KCNA2: variants seen among roughly 807,000 people sequenced by gnomAD.
The protein encoded by KCNA2 is potassium channel, voltage gated shaker related subfamily A, member 2.
Under a neutral mutation model 33.4 loss-of-function variants are expected in KCNA2, and 11 were observed. That is an observed-to-expected ratio of 0.33 (90% CI 0.21 to 0.55). The LOEUF is 0.55. Among genes scored for constraint, KCNA2 ranks in the 20% least tolerant of loss-of-function variants. The pLI is 0.93. For missense variants in KCNA2, 291 were observed against 621.6 expected, an observed-to-expected ratio of 0.47 and a Z score of 5.66; for synonymous variants, 222 against 231.3, an observed-to-expected ratio of 0.96 and a Z score of 0.37.
At position 110,596,812 on chromosome 1, in the gene KCNA2, T is replaced by C. The variant is rs1037087525; in HGVS notation, c.*6471A>G. Reference sequence around the variant, plus strand: ...CCCTGAGGTTTCCCCATCAGTTAACTGAGGTTTTGCTGTACATATGTGTAT... The same window carrying C: ...CCCTGAGGTTTCCCCATCAGTTAACCGAGGTTTTGCTGTACATATGTGTAT... On this transcript the variant is annotated 3_prime_UTR_variant, in exon 3 of 3. Transcript: ENST00000316361. 7 of 985,276 alleles carry C rather than the reference T, an allele frequency of 7.1e-6. No individual in the cohort carries two copies. The highest frequency in any genetic ancestry group is 8.4e-6 in the Non-Finnish European group (7 of 829,926). 61.0% of individuals were successfully genotyped at this position (985,276 alleles called of 1,614,324 possible). A position where few individuals can be genotyped will look rare whatever the true frequency, so the allele number is the denominator to read the frequency against.
Position 110,600,177 on chromosome 1 carries a change from G to T in KCNA2, c.*3106C>A. 1.0e-6 allele frequency: 1 copy of T among 983,086 alleles called. No individual in the cohort carries two copies. The highest frequency in any genetic ancestry group is 1.8e-5 in the African/African-American group (1 of 56,412). 60.9% of individuals were successfully genotyped at this position (983,086 alleles called of 1,614,324 possible). A position where few individuals can be genotyped will look rare whatever the true frequency, so the allele number is the denominator to read the frequency against. ...TCATAGCTCTGGGGGCAGGGCAATG[G>T]GTCTGAGTATATGTCTGCATTTCAT... is the stretch of plus-strand genomic sequence containing the variant. On this transcript the variant is annotated 3_prime_UTR_variant, in exon 3 of 3. Transcript: ENST00000316361.
At position 110,614,251 on chromosome 1, in the gene KCNA2, C is replaced by T. The variant is rs147384414; in HGVS notation, c.-495-8529G>A. On this transcript the variant is annotated intron_variant, in intron 1 of 4. Transcript: ENST00000369770. ...GGCTTGAGGTCTTGCACTACCCTGG[C>T]CATCCTCGGAAGTTTTCTAACTTCA... 4.4e-3 allele frequency among the ~76,000 whole-genome samples: 670 copies of T among 152,320 alleles called. 3 individuals carry two copies. The highest frequency in any genetic ancestry group is 7.4e-3 in the Non-Finnish European group (506 of 68,024).
At chr1:110,627,181 C>A (rs1650417812) in intron 1 of KCNA2, among the ~76,000 whole-genome samples, 1 of 152,224 alleles carries the variant, frequency 6.6e-6, no homozygotes, top group South Asian at 2.1e-4. Flanking sequence ...AGACTCCCAA[C>A]TCAGCTCCTT....
At position 110,600,495 on chromosome 1, in the gene KCNA2, T is replaced by C; in HGVS notation, c.*2788A>G. Reference sequence around the variant, plus strand: ...TGCATTTTATATACAATTATAACCATATATCTTCTGTGTTTGCTTTTATGT... The same window carrying C: ...TGCATTTTATATACAATTATAACCACATATCTTCTGTGTTTGCTTTTATGT... On this transcript the variant is annotated 3_prime_UTR_variant, in exon 3 of 3. Transcript: ENST00000316361. The C allele has an allele frequency of 1.0e-6, 1 of 985,198 alleles. No individual in the cohort carries two copies. The highest frequency in any genetic ancestry group is 1.2e-6 in the Non-Finnish European group (1 of 829,794). 61.0% of individuals were successfully genotyped at this position (985,198 alleles called of 1,614,324 possible).
At chr1:110,607,143 G>A (rs1368544181), upstream of KCNA2, 5 of 152,214 alleles carry the variant, frequency 3.3e-5, no homozygotes, top group African/African-American at 7.2e-5. Flanking sequence ...CTCAGCCCAA[G>A]CCTGCTGCGC....
Position 110,612,441 on chromosome 1 carries a change from G to A in KCNA2, c.-495-6719C>T, listed in dbSNP as rs149614692. ...ACCCAGTTGCCCAAACCAGAAGCCTGGATGTCCTTATCAACTGTCTTCTTC... is the reference window on the plus strand; with the variant it reads ...ACCCAGTTGCCCAAACCAGAAGCCTAGATGTCCTTATCAACTGTCTTCTTC... On this transcript the variant is annotated intron_variant, in intron 1 of 4. Coordinates refer to the KCNA2 transcript ENST00000369770. Among the ~76,000 whole-genome samples, 760 of 152,300 alleles carry A rather than the reference G, an allele frequency of 5.0e-3. 5 individuals are homozygous for A. The highest frequency in any genetic ancestry group is 0.027 in the Middle Eastern group (8 of 294).
intron 1 of KCNA2, among the ~76,000 whole-genome samples, chr1:110,620,083 A>AGAGAGT (rs1297255198): frequency 1.4e-5 from 2 of 142,112 alleles, no homozygotes; most frequent in East Asian, 4.2e-4. Context: ...AGAGAGAGAG[A>AGAGAGT]GAGAGTGAGT....
In KCNA2 at chr1:110,602,654, G is replaced by A. The variant is rs903220596; in HGVS notation, c.*629C>T. 14 of 994,572 alleles carry A rather than the reference G, an allele frequency of 1.4e-5. No homozygotes were observed. The highest frequency in any genetic ancestry group is 5.1e-4 in the Middle Eastern group (1 of 1,972). The allele number at this position is 994,572 out of a possible 1,614,324, so 61.6% of individuals were successfully genotyped here. On this transcript the variant is annotated 3_prime_UTR_variant, in exon 3 of 3. Coordinates refer to ENST00000316361, the MANE Select transcript of KCNA2 (RefSeq NM_004974.4). ...CGGTCATACTAACTGTCCCTCCCCC[G>A]GGCTTCCCTCACATCGACACTGCAG...
intron 1 of KCNA2, among the ~76,000 whole-genome samples, chr1:110,611,359 A>G (rs574042849): frequency 5.1e-4 from 78 of 152,300 alleles, no homozygotes; most frequent in Non-Finnish European, 9.9e-4. Context: ...GGGCCCCTTC[A>G]TGGAGGCCTG....
chr1:110,612,770 G>C (rs1570760800), intron 1 of KCNA2, among the ~76,000 whole-genome samples: 1 of 152,200 alleles, frequency 6.6e-6, no homozygotes, highest in East Asian at 1.9e-4. Flanking sequence ...AGCCTTTCAT[G>C]ATCTGATGTT....
At chr1:110,627,013 T>C (rs12065744) in intron 1 of KCNA2, among the ~76,000 whole-genome samples, 2,671 of 152,298 alleles carry the variant, frequency 0.018, 75 homozygotes, top group African/African-American at 0.059. Context: ...ACTAAGTGCT[T>C]TATTGCATCT....
At chr1:110,613,023 G>A in intron 1 of KCNA2, among the ~76,000 whole-genome samples, 1 of 152,180 alleles carries the variant, frequency 6.6e-6, no homozygotes, top group East Asian at 1.9e-4. Context: ...TGCTTGCTCT[G>A]AGGATTAAAT....
At chr1:110,628,919 T>C (rs1232540125) in intron 1 of KCNA2, among the ~76,000 whole-genome samples, 1 of 152,180 alleles carries the variant, frequency 6.6e-6, no homozygotes, top group Non-Finnish European at 1.5e-5. Context: ...GTAGATTGCT[T>C]TAGAGCTCAG....
chr1:110,604,878 C>T lies in KCNA2; in HGVS notation c.-96G>A, dbSNP rs1349561937. 2 of 1,196,766 alleles carry T rather than the reference C, an allele frequency of 1.7e-6. No homozygotes were observed. Among genetic ancestry groups the T allele is most frequent in the Non-Finnish European group, 2.4e-6 (2 of 841,684 alleles). The allele number at this position is 1,196,766 out of a possible 1,614,324, so 74.1% of individuals were successfully genotyped here. On this transcript the variant is annotated 5_prime_UTR_variant, in exon 3 of 3. The change abolishes an upstream ATG in the 5' untranslated region. Coordinates refer to ENST00000316361, the MANE Select transcript of KCNA2 (RefSeq NM_004974.4). The surrounding 1 kb of genome is among the most constrained non-coding windows in gnomAD (Gnocchi z 7.6). ...CTACTGGCCCCAGGAAGCACAGGAG[C>T]ATTGGCCTGGTCTCCTGCAGGAGAG...
rs1191746713 is a variant in KCNA2, at chr1:110,601,792, ATATGTGTGTGTGTG to A, written c.*1477_*1490del. The A allele has an allele frequency of 2.4e-5, 27 of 1,109,924 alleles. No homozygotes were observed. Among genetic ancestry groups the A allele is most frequent in the Non-Finnish European group, 2.8e-5 (25 of 905,296 alleles). The allele number at this position is 1,109,924 out of a possible 1,614,324, so 68.8% of individuals were successfully genotyped here. On this transcript the variant is annotated 3_prime_UTR_variant, in exon 3 of 3. Coordinates refer to ENST00000316361, the MANE Select transcript of KCNA2 (RefSeq NM_004974.4). Reference sequence around the variant, plus strand: ...CCAGAAAATGAATATATATATATATATATGTGTGTGTGTGTGTGTGTGTGTGTGTGTGTGTGTAT... The same window carrying A: ...CCAGAAAATGAATATATATATATATATGTGTGTGTGTGTGTGTGTGTGTAT...
At position 110,601,549 on chromosome 1, in the gene KCNA2, T is replaced by G; in HGVS notation, c.*1734A>C. The G allele has an allele frequency of 1.0e-6, 1 of 987,266 alleles. No homozygotes were observed. Among genetic ancestry groups the G allele is most frequent in the Non-Finnish European group, 1.2e-6 (1 of 831,248 alleles). 61.2% of individuals were successfully genotyped at this position (987,266 alleles called of 1,614,324 possible). On this transcript the variant is annotated 3_prime_UTR_variant, in exon 3 of 3. Transcript: ENST00000316361. ...AACTGTGAGGGCCACAGGGCCCTTG[T>G]GCACTCAGTAAGACAAGCTTCAGCC...
rs1201374871 is a variant in KCNA2 at position 110,594,240 on chromosome 1, C to T, written c.*9043G>A. The T allele has an allele frequency of 1.2e-5, 13 of 1,074,000 alleles. No homozygotes were observed. In the African/African-American group the frequency reaches 2.0e-4, roughly 17 times the overall value. The allele number at this position is 1,074,000 out of a possible 1,614,324, so 66.5% of individuals were successfully genotyped here. ...AGCCAGTGCAAACCCTAACTGGAGTCTGTGCTGCATGAGCCTAAGTGAGTG... is the reference window on the plus strand; with the variant it reads ...AGCCAGTGCAAACCCTAACTGGAGTTTGTGCTGCATGAGCCTAAGTGAGTG... On this transcript the variant is annotated 3_prime_UTR_variant, in exon 3 of 3. Transcript: ENST00000316361.
chr1:110,598,154 G>T lies in KCNA2; in HGVS notation c.*5129C>A. On this transcript the variant is annotated 3_prime_UTR_variant, in exon 3 of 3. Transcript: ENST00000316361. ...AATGGATACCTTGCCAAGGCTAGGG[G>T]AACCTCCATTGTGCAACCAAGGAGC... 1.2e-6 allele frequency: 1 copy of T among 812,296 alleles called. No individual in the cohort carries two copies. The highest frequency in any genetic ancestry group is 1.5e-6 in the Non-Finnish European group (1 of 671,908). The allele number at this position is 812,296 out of a possible 1,614,324, so 50.3% of individuals were successfully genotyped here.
chr1:110,612,478 G>A (rs1025727195), intron 1 of KCNA2, among the ~76,000 whole-genome samples: 3 of 152,100 alleles, frequency 2.0e-5, no homozygotes, highest in Non-Finnish European at 4.4e-5. Context: ...TCCTTCACCC[G>A]ACACACTCCA....
Sources: allele counts gnomAD v4.1 joint callset (sites outside exome capture counted in the v4.1 genomes callset), GRCh38; gene constraint gnomAD v4.1.1; non-coding constraint Gnocchi (gnomAD v3.1); transcripts MANE v1.5; gene names NCBI Gene and HGNC (gene_info 2026-07-23, HGNC 2026-07-21).